NR2F2: variants seen among roughly 807,000 people sequenced by gnomAD.
The protein encoded by NR2F2 is COUP transcription factor 2.
NR2F2 carries 2 observed loss-of-function variants against 34.8 expected under a neutral mutation model. The ratio of observed to expected loss-of-function variants is 0.06; its 90% CI spans 0.02 to 0.18. NR2F2 has a LOEUF of 0.18. Among genes scored for constraint, NR2F2 ranks in the 10% least tolerant of loss-of-function variants. The pLI, the probability that NR2F2 is intolerant of heterozygous loss-of-function variation, is 1.00. For synonymous variants in NR2F2, 274 were observed against 251.8 expected (o/e 1.09, Z -0.84); for missense variants, 300 against 580.1 (o/e 0.52, Z 4.96).
chr15:96,334,674 G>A (rs1899266787), intron 2 of NR2F2, 71 bp downstream of exon 2: 2 of 1,501,994 alleles, frequency 1.3e-6, no homozygotes, highest in Non-Finnish European at 1.8e-6. Flanking sequence ...GAACTTGGGA[G>A]TCCCCAGGGC....
upstream of NR2F2, among the ~76,000 whole-genome samples, chr15:96,330,204 G>A (rs1899089727): frequency 6.6e-6 from 1 of 152,128 alleles, no homozygotes; most frequent in Admixed American, 6.5e-5. Flanking sequence ...GGTGGTGCGC[G>A]AGCGGCGGAA....
In NR2F2 at chr15:96,331,236, C is replaced by A. The variant is rs1240543878; in HGVS notation, c.-870C>A. 2 of 982,642 alleles carry A rather than the reference C, an allele frequency of 2.0e-6. No individual in the cohort carries two copies. Among genetic ancestry groups the A allele is most frequent in the Non-Finnish European group, 2.4e-6 (2 of 828,918 alleles). The allele number at this position is 982,642 out of a possible 1,614,324, so 60.9% of individuals were successfully genotyped here. ...GCGGCCTCCACCCAGCGACTGCGGG[C>A]GGCGGCGGCCGGAGAGAGCGAGGCG... On this transcript the variant is annotated 5_prime_UTR_variant, in exon 1 of 3. Coordinates refer to ENST00000394166, the MANE Select transcript of NR2F2 (RefSeq NM_021005.4).
In NR2F2 at chr15:96,331,597, C is replaced by T. The variant is rs1020962666; in HGVS notation, c.-509C>T. ...TCTTCCTCCTCCTCCTCCTCCTCCT[C>T]CTCCGCCAACTCCTCGGCTGCACAC... On this transcript the variant is annotated 5_prime_UTR_variant, in exon 1 of 3. Coordinates refer to ENST00000394166, the MANE Select transcript of NR2F2 (RefSeq NM_021005.4). The T allele has an allele frequency of 1.2e-5, 14 of 1,211,530 alleles. No homozygotes were observed. Among genetic ancestry groups the T allele is most frequent in the Admixed American group, 8.6e-5 (2 of 23,340 alleles). The allele number at this position is 1,211,530 out of a possible 1,614,324, so 75.0% of individuals were successfully genotyped here.
At chr15:96,326,239 T>C, upstream of NR2F2, 2 of 1,258,556 alleles carry the variant, frequency 1.6e-6, no homozygotes, top group Non-Finnish European at 2.3e-6. This position sits in a 1 kb window ranked among gnomAD's most constrained non-coding sequence, Gnocchi z 5.5. Context: ...AGACACATCT[T>C]TTCAGGGGGC....
chr15:96,334,709 C>A, intron 2 of NR2F2, 106 bp downstream of exon 2: 2 of 1,279,442 alleles, frequency 1.6e-6, no homozygotes, highest in Non-Finnish European at 2.1e-6. Context: ...CCTTGAAAGG[C>A]CAAACTGTTG....
At chr15:96,334,739 AC>A in intron 2 of NR2F2, 136 bp downstream of exon 2, 1 of 918,380 alleles carries the variant, frequency 1.1e-6, no homozygotes, top group Non-Finnish European at 1.6e-6. Context: ...TAAAGTGGGA[AC>A]TTTTTATAGC....
At position 96,333,787 on chromosome 15, in the gene NR2F2, G is replaced by T; in HGVS notation, c.443-289G>T. ...CTCAGAATGCTACATCCCGCCCACAGCGCCGGGGACCCCGAGGCAAGGTGG... is the reference window on the plus strand; with the variant it reads ...CTCAGAATGCTACATCCCGCCCACATCGCCGGGGACCCCGAGGCAAGGTGG... On this transcript the variant is annotated intron_variant, in intron 1 of 2. Coordinates refer to ENST00000394166, the MANE Select transcript of NR2F2 (RefSeq NM_021005.4). The T allele has an allele frequency of 5.1e-6, 7 of 1,386,020 alleles. 1 individual carries two copies. The South Asian group carries it at 7.6e-5, about 15-fold the overall frequency. The allele number at this position is 1,386,020 out of a possible 1,614,324, so 85.9% of individuals were successfully genotyped here.
chr15:96,329,333 C>A (rs1899068855), upstream of NR2F2, among the ~76,000 whole-genome samples: 1 of 152,174 alleles, frequency 6.6e-6, no homozygotes, highest in African/African-American at 2.4e-5. Flanking sequence ...TGTTTAAAAC[C>A]AGACACCCTG....
rs542759952 is a variant in NR2F2, at chr15:96,330,878, G to T, written c.-1228G>T. 5.8e-5 allele frequency: 67 copies of T among 1,151,810 alleles called. No homozygotes were observed. The South Asian group carries it at 2.3e-3, about 39-fold the overall frequency. The allele number at this position is 1,151,810 out of a possible 1,614,324, so 71.3% of individuals were successfully genotyped here. ...TCTCCCCGAGTTGCCTCCTTTCTCC[G>T]GGTGCCGTACTGCCTTTTTTCCCCT... On this transcript the variant is annotated 5_prime_UTR_variant, in exon 1 of 3. Transcript: ENST00000394166.
In NR2F2 at chr15:96,331,902, T is replaced by C. The variant is rs1472329824; in HGVS notation, c.-204T>C. On this transcript the variant is annotated 5_prime_UTR_variant, in exon 1 of 3. Transcript: ENST00000394166. ...GGCCAGACAAGCCATCGACAAAACT[T>C]TGCAAAAGCAAAAACAAAAAAGGAA... 8 of 1,206,446 alleles carry C rather than the reference T, an allele frequency of 6.6e-6. No individual in the cohort carries two copies. In the African/African-American group the frequency reaches 1.3e-4, roughly 19 times the overall value. The allele number at this position is 1,206,446 out of a possible 1,614,324, so 74.7% of individuals were successfully genotyped here.
upstream of NR2F2, among the ~76,000 whole-genome samples, chr15:96,328,905 G>T (rs533261931): frequency 6.6e-6 from 1 of 152,140 alleles, no homozygotes; most frequent in South Asian, 2.1e-4. Flanking sequence ...CTAAAAACCA[G>T]CCCCTATCTG....
Position 96,331,583 on chromosome 15 carries a change from C to T in NR2F2, c.-523C>T, listed in dbSNP as rs1054696676. ...TCACCACCACCTCCTCTTCCTCCTCCTCCTCCTCCTCCTCCTCCGCCAACT... is the reference window on the plus strand; with the variant it reads ...TCACCACCACCTCCTCTTCCTCCTCTTCCTCCTCCTCCTCCTCCGCCAACT... On this transcript the variant is annotated 5_prime_UTR_variant, in exon 1 of 3. Transcript: ENST00000394166. The T allele has an allele frequency of 8.4e-7, 1 of 1,189,902 alleles. No homozygotes were observed. The highest frequency in any genetic ancestry group is 1.0e-6 in the Non-Finnish European group (1 of 976,358). The allele number at this position is 1,189,902 out of a possible 1,614,324, so 73.7% of individuals were successfully genotyped here.
rs1899122657 is a variant in NR2F2 at position 96,331,051 on chromosome 15, C to T, written c.-1055C>T. On this transcript the variant is annotated 5_prime_UTR_variant, in exon 1 of 3. Transcript: ENST00000394166. ...TTTCCCTATGTGTGTGAGGCGGCGG[C>T]GGCAGCAGCAGCAGCAGCGGCTCCG... 2.7e-5 allele frequency: 33 copies of T among 1,241,512 alleles called. No homozygotes were observed. The highest frequency in any genetic ancestry group is 3.3e-5 in the Non-Finnish European group (33 of 997,084). The allele number at this position is 1,241,512 out of a possible 1,614,324, so 76.9% of individuals were successfully genotyped here.
Position 96,332,120 on chromosome 15 carries a change from C to A in NR2F2, c.15C>A (p.Val5=), listed in dbSNP as rs1899164316. The change falls in exon 1 of 3, where the codon GTC becomes GTA. Residue 5 remains valine (V), a synonymous_variant. Transcript: ENST00000394166. The part of the protein sequence containing the change: MAMV[V]STWRDPQDEV... ...CCCCCATAGATATGGCAATGGTAGT[C>A]AGCACGTGGCGCGACCCCCAGGACG... 2 of 1,350,672 alleles carry A rather than the reference C, an allele frequency of 1.5e-6. No homozygotes were observed. Among genetic ancestry groups the A allele is most frequent in the African/African-American group, 1.5e-5 (1 of 65,242 alleles). 83.7% of individuals were successfully genotyped at this position (1,350,672 alleles called of 1,614,324 possible).
At position 96,331,277 on chromosome 15, in the gene NR2F2, G is replaced by A. The variant is rs1396393346; in HGVS notation, c.-829G>A. ...GAGCGAGGCGCGCGCCGGACGCCCG[G>A]GGCAGGCGGCGGCGGCGGCGGCCCA... On this transcript the variant is annotated 5_prime_UTR_variant, in exon 1 of 3. Transcript: ENST00000394166. 2.0e-6 allele frequency: 2 copies of A among 1,020,466 alleles called. No homozygotes were observed. Among genetic ancestry groups the A allele is most frequent in the Admixed American group, 5.9e-5 (1 of 16,990 alleles). 63.2% of individuals were successfully genotyped at this position (1,020,466 alleles called of 1,614,324 possible).
chr15:96,337,779 A>G lies in NR2F2; in HGVS notation c.*157A>G, dbSNP rs1225937179. 2 of 420,712 alleles carry G rather than the reference A, an allele frequency of 4.8e-6. No homozygotes were observed. The highest frequency in any genetic ancestry group is 7.4e-6 in the Non-Finnish European group (2 of 271,622). The allele number at this position is 420,712 out of a possible 1,614,324, so 26.1% of individuals were successfully genotyped here. ...AATTTAATGGACTGTGAATTTCAAA[A>G]AAAAAAAAAAAGACTGTCAAATGAA... On this transcript the variant is annotated 3_prime_UTR_variant, in exon 3 of 3. Coordinates refer to ENST00000394166, the MANE Select transcript of NR2F2 (RefSeq NM_021005.4).
intron 1 of NR2F2, among the ~76,000 whole-genome samples, chr15:96,332,936 C>T (rs1899192846): frequency 7.3e-6 from 1 of 137,412 alleles, no homozygotes; most frequent in Admixed American, 6.9e-5. Flanking sequence ...CAGCCCCCAC[C>T]CTCTCAAAAA....
intron 1 of NR2F2, among the ~76,000 whole-genome samples, chr15:96,332,831 T>TTTG (rs146559037): frequency 1.3e-5 from 2 of 151,820 alleles, no homozygotes; most frequent in Non-Finnish European, 2.9e-5. Flanking sequence ...GGATGGGGTG[T>TTTG]TTGTTGTTGT....
chr15:96,334,226 G>A lies in NR2F2; in HGVS notation c.593G>A (p.Ser198Asn). 6.2e-7 allele frequency: 1 copy of A among 1,614,232 alleles called. No homozygotes were observed. The highest frequency in any genetic ancestry group is 8.5e-7 in the Non-Finnish European group (1 of 1,180,046). ...AEPYPTSRFG[S>N]QCMQPNNIMG... ...CCCTATCCCACGTCGCGCTTCGGCAGCCAATGCATGCAGCCCAACAACATC... is the reference window on the plus strand; with the variant it reads ...CCCTATCCCACGTCGCGCTTCGGCAACCAATGCATGCAGCCCAACAACATC... The change falls in exon 2 of 3, where the codon AGC (serine) becomes AAC (asparagine). Residue 198 changes from serine (S) to asparagine (N), a missense_variant. Ser to Asn is a conservative substitution (Grantham distance 46). This residue lies in a region of NR2F2 where 164 missense variants were observed against 365.3 expected (regional missense o/e 0.45). Transcript: ENST00000394166.
Sources: allele counts gnomAD v4.1 joint callset (sites outside exome capture counted in the v4.1 genomes callset), GRCh38; gene constraint gnomAD v4.1.1; regional missense constraint gnomAD v4.1.1; non-coding constraint Gnocchi (gnomAD v3.1); transcripts MANE v1.5; gene names NCBI Gene and HGNC (gene_info 2026-07-23, HGNC 2026-07-21).